PSAT1: variants seen among roughly 807,000 people sequenced by gnomAD.
PSAT1 encodes phosphoserine aminotransferase 1, also known as phosphoserine aminotransferase.
A neutral mutation model predicts 40.3 loss-of-function variants in PSAT1; 41 were observed. That is an observed-to-expected ratio of 1.02 (90% CI 0.79 to 1.32). The LOEUF is 1.32. Among genes scored for constraint, PSAT1 ranks in the 40% most tolerant of loss-of-function variants. PSAT1 has a pLI of 0.00. For missense variants in PSAT1, 406 were observed against 455.8 expected (o/e 0.89, Z 0.99); for synonymous variants, 147 against 170.5 (o/e 0.86, Z 1.07).
rs938636217 is a variant in PSAT1 at position 78,308,690 on chromosome 9, T to TCA, written c.740+111_740+112dup. ...AACATGTAAGCCTGGGCGCGGTGGCTCACACCTGTAATCTTAGCAATTTGG... is the reference window on the plus strand; with the variant it reads ...AACATGTAAGCCTGGGCGCGGTGGCTCACACACCTGTAATCTTAGCAATTTGG... On this transcript the variant is annotated intron_variant, in intron 6 of 8. Coordinates refer to ENST00000376588, the MANE Select transcript of PSAT1 (RefSeq NM_058179.4). The TCA allele has an allele frequency of 3.0e-6, 4 of 1,346,438 alleles. No individual in the cohort carries two copies. The African/African-American group carries it at 5.8e-5, about 19-fold the overall frequency. 83.4% of individuals were successfully genotyped at this position (1,346,438 alleles called of 1,614,324 possible). A position where few individuals can be genotyped will look rare whatever the true frequency, so the allele number is the denominator to read the frequency against.
At chr9:78,297,355 C>T (rs1407730150) in intron 1 of PSAT1, 85 bp downstream of exon 1, 1 of 1,448,892 alleles carries the variant, frequency 6.9e-7, no homozygotes, top group South Asian at 1.2e-5. Context: ...GTGTGGCAGT[C>T]GGATTCCCGC....
intron 7 of PSAT1, among the ~76,000 whole-genome samples, chr9:78,323,745 G>A (rs1828460534): frequency 6.6e-6 from 1 of 152,204 alleles, no homozygotes; most frequent in Non-Finnish European, 1.5e-5. Flanking sequence ...CTTGTGGGAA[G>A]AGGGGTGGCA....
In PSAT1 at chr9:78,297,250, C is replaced by G. The variant is rs1828039393; in HGVS notation, c.40C>G (p.Pro14Ala). ...GCAGGTGGTCAACTTTGGGCCTGGT[C>G]CCGCCAAGCTGCCGCACTCAGTAAG... ...PRQVVNFGPG[P>A]AKLPHSVLLE... Residue 14 changes from proline to alanine, a missense_variant, in exon 1 of 9, where the codon CCC becomes GCC. Physicochemically the swap from Pro to Ala is conservative, Grantham distance 27. Transcript: ENST00000376588. The G allele has an allele frequency of 6.2e-7, 1 of 1,601,710 alleles. No homozygotes were observed. Among genetic ancestry groups the G allele is most frequent in the East Asian group, 2.2e-5 (1 of 44,706 alleles).
chr9:78,325,491 G>A (rs1203840505), intron 7 of PSAT1, among the ~76,000 whole-genome samples: 1 of 152,230 alleles, frequency 6.6e-6, no homozygotes, highest in Non-Finnish European at 1.5e-5. Context: ...CAGACTTGCC[G>A]GAAGCCTTTG....
intron 6 of PSAT1, among the ~76,000 whole-genome samples, chr9:78,317,427 A>G (rs1310696098): frequency 2.6e-5 from 4 of 151,954 alleles, no homozygotes; most frequent in East Asian, 3.9e-4. Context: ...TAATTTTTCA[A>G]TTTTTATGGA....
Position 78,320,322 on chromosome 9 carries a change from T to TTCCATCCATCCA in PSAT1, c.869+2521_869+2532dup, listed in dbSNP as rs35802652. ...CTACCCATCCACTCATCCATCAATCTTCCATCCATCCATCTATCCATCCAT... is the reference window on the plus strand; with the variant it reads ...CTACCCATCCACTCATCCATCAATCTTCCATCCATCCATCCATCCATCCATCTATCCATCCAT... On this transcript the variant is annotated intron_variant, in intron 7 of 8. Transcript: ENST00000376588. Among the ~76,000 whole-genome samples, 192 of 146,208 alleles carry TTCCATCCATCCA rather than the reference T, an allele frequency of 1.3e-3. 1 individual carries two copies. The highest frequency in any genetic ancestry group is 4.3e-3 in the African/African-American group (164 of 38,412).
intron 7 of PSAT1, among the ~76,000 whole-genome samples, chr9:78,326,123 C>G (rs1372888838): frequency 2.6e-5 from 4 of 152,070 alleles, no homozygotes; most frequent in East Asian, 1.9e-4. Context: ...TTTGTTTCCC[C>G]CTTTGGCCTC....
intron 7 of PSAT1, among the ~76,000 whole-genome samples, chr9:78,323,748 G>A (rs948740885): frequency 6.6e-6 from 1 of 152,092 alleles, no homozygotes; most frequent in Non-Finnish European, 1.5e-5. Flanking sequence ...GTGGGAAGAG[G>A]GGTGGCAGAT....
At chr9:78,327,945 C>A in intron 7 of PSAT1, 106 bp from the exon 8 acceptor site, 2 of 1,232,826 alleles carry the variant, frequency 1.6e-6, no homozygotes, top group Non-Finnish European at 2.3e-6. Flanking sequence ...TTTAAAAAAT[C>A]TTCTGCTTGC....
At chr9:78,306,651 T>C (rs1012227092) in intron 5 of PSAT1, among the ~76,000 whole-genome samples, 165 bp downstream of exon 5, 5 of 152,232 alleles carry the variant, frequency 3.3e-5, no homozygotes, top group Non-Finnish European at 5.9e-5. Context: ...TTCCCAGCTG[T>C]TGCAGTGCCT....
chr9:78,317,416 C>A (rs936452783), intron 6 of PSAT1, among the ~76,000 whole-genome samples: 1 of 152,180 alleles, frequency 6.6e-6, no homozygotes, highest in African/African-American at 2.4e-5. Flanking sequence ...TCACACCCAA[C>A]TAATTTTTCA....
At chr9:78,309,502 A>G (rs1319292870) in intron 6 of PSAT1, among the ~76,000 whole-genome samples, 1 of 152,178 alleles carries the variant, frequency 6.6e-6, no homozygotes, top group Non-Finnish European at 1.5e-5. Context: ...AGCTGGGATT[A>G]CAGGTGCGTG....
Position 78,308,467 on chromosome 9 carries a change from C to A in PSAT1, c.624C>A (p.Thr208=). 1 of 1,613,824 alleles carries A rather than the reference C, an allele frequency of 6.2e-7. No individual in the cohort carries two copies. Among genetic ancestry groups the A allele is most frequent in the Non-Finnish European group, 8.5e-7 (1 of 1,179,850 alleles). Residue 208 remains threonine, a synonymous_variant, in exon 6 of 9, where the codon ACC becomes ACA. Coordinates refer to ENST00000376588, the MANE Select transcript of PSAT1 (RefSeq NM_058179.4). ...AGAATGTTGGCTCTGCTGGGGTCAC[C>A]GTGGTGATTGTCCGTGATGACCTGC... ...AQKNVGSAGV[T]VVIVRDDLLG...
intron 7 of PSAT1, among the ~76,000 whole-genome samples, chr9:78,318,674 A>C (rs1294521652): frequency 6.6e-6 from 1 of 152,142 alleles, no homozygotes; most frequent in Non-Finnish European, 1.5e-5. Flanking sequence ...CTGTCTCTTA[A>C]AAAGAGAGGT....
rs568534357 is a variant in PSAT1, at chr9:78,300,832, C to T, written c.121+170C>T. Among the ~76,000 whole-genome samples the T allele has an allele frequency of 2.0e-5, 3 of 151,440 alleles. No individual in the cohort carries two copies. In the East Asian group the frequency reaches 5.9e-4, roughly 30 times the overall value. ...CTGGGCTCAAGTGACCCTCCTGCCTCAGCATCCTGAGTAGCTAGGACTATA... is the reference window on the plus strand; with the variant it reads ...CTGGGCTCAAGTGACCCTCCTGCCTTAGCATCCTGAGTAGCTAGGACTATA... On this transcript the variant is annotated intron_variant, in intron 2 of 8. Coordinates refer to ENST00000376588, the MANE Select transcript of PSAT1 (RefSeq NM_058179.4).
intron 7 of PSAT1, among the ~76,000 whole-genome samples, chr9:78,326,767 G>T (rs1483963694): frequency 6.6e-6 from 1 of 151,192 alleles, no homozygotes; most frequent in Non-Finnish European, 1.5e-5. Flanking sequence ...TCAGCTAGGG[G>T]GTTCTTCTGC....
At chr9:78,298,609 T>A (rs932878458) in intron 1 of PSAT1, among the ~76,000 whole-genome samples, 1 of 152,142 alleles carries the variant, frequency 6.6e-6, no homozygotes, top group African/African-American at 2.4e-5. Context: ...GTTCCCTATG[T>A]ATTTCGTTAT....
At chr9:78,303,052 A>T (rs569815123) in intron 3 of PSAT1, among the ~76,000 whole-genome samples, 14 of 152,302 alleles carry the variant, frequency 9.2e-5, no homozygotes, top group African/African-American at 3.4e-4. Context: ...GAAATAATGC[A>T]CATTTATGGT....
intron 3 of PSAT1, 94 bp from the exon 4 acceptor site, chr9:78,304,641 C>T (rs1315639843): frequency 8.6e-7 from 1 of 1,167,842 alleles, no homozygotes; most frequent in Non-Finnish European, 1.3e-6. Flanking sequence ...TGTAGTAAAT[C>T]CACCCAAGTT....
Sources: gnomAD v4.1 joint callset for allele counts (sites outside exome capture counted in the v4.1 genomes callset) on GRCh38, gnomAD v4.1.1 for gene constraint, MANE v1.5 for transcripts, NCBI Gene and HGNC (gene_info 2026-07-23, HGNC 2026-07-21) for gene names.